Variants in CNTNAP4 observed in about 807,000 individuals in gnomAD.
CNTNAP4 encodes contactin-associated protein-like 4.
A neutral mutation model predicts 148.4 loss-of-function variants in CNTNAP4; 98 were observed. The observed-to-expected ratio is 0.66, with a 90% confidence interval of 0.56 to 0.78. The LOEUF (loss-of-function observed/expected upper bound fraction) is 0.78. Ranked by LOEUF, CNTNAP4 falls within the 30% of genes least tolerant of loss-of-function variation. The probability of loss-of-function intolerance (pLI) is 0.00; values close to 1 mark genes in which losing one functional copy is unlikely to be tolerated. For missense variants in CNTNAP4, 1,935 were observed against 1,565.6 expected, an observed-to-expected ratio of 1.24 and a Z score of -3.98; for synonymous variants, 730 against 565.1, an observed-to-expected ratio of 1.29 and a Z score of -4.14.
chr16:76,409,783 C>G (rs1156872446), intron 3 of CNTNAP4, among the ~76,000 whole-genome samples: 2 of 151,788 alleles, frequency 1.3e-5, no homozygotes, highest in Non-Finnish European at 2.9e-5. Flanking sequence ...GCTATTTCTC[C>G]TTTTACTCTC....
chr16:76,461,708 A>G (rs1222196683), intron 8 of CNTNAP4, among the ~76,000 whole-genome samples: 4 of 152,218 alleles, frequency 2.6e-5, no homozygotes, highest in Admixed American at 1.3e-4. Context: ...AAATCAATCT[A>G]TGACAAATTA....
At chr16:76,420,280 A>ATGTATGTTCTGTAGAATAT in intron 3 of CNTNAP4, among the ~76,000 whole-genome samples, 1 of 73,978 alleles carries the variant, frequency 1.4e-5, no homozygotes. Context: ...ATAGGAGATA[A>ATGTATGTTCTGTAGAATAT]ATATTAATTT....
At chr16:76,372,796 C>T (rs1325454736) in intron 3 of CNTNAP4, among the ~76,000 whole-genome samples, 6 of 152,012 alleles carry the variant, frequency 3.9e-5, no homozygotes, top group Admixed American at 2.6e-4. Flanking sequence ...GGCCTGGTTT[C>T]GAATTATACC....
chr16:76,362,867 A>G (rs1236101916), intron 3 of CNTNAP4, among the ~76,000 whole-genome samples: 1 of 152,174 alleles, frequency 6.6e-6, no homozygotes, highest in East Asian at 1.9e-4. Flanking sequence ...ATTTGCCTAT[A>G]TAACAAACCT....
chr16:76,324,130 A>T (rs1962717885), intron 2 of CNTNAP4, among the ~76,000 whole-genome samples: 1 of 152,160 alleles, frequency 6.6e-6, no homozygotes, highest in Non-Finnish European at 1.5e-5. Flanking sequence ...TATCCTTCTA[A>T]GTTTTCCTCA....
intron 2 of CNTNAP4, among the ~76,000 whole-genome samples, chr16:76,320,584 A>G (rs1382139270): frequency 6.6e-6 from 1 of 152,196 alleles, no homozygotes; most frequent in Non-Finnish European, 1.5e-5. Flanking sequence ...AGATAGCTGC[A>G]TAGTATTGTC....
At chr16:76,413,246 C>T (rs1183967068) in intron 3 of CNTNAP4, among the ~76,000 whole-genome samples, 1 of 151,372 alleles carries the variant, frequency 6.6e-6, no homozygotes, top group Non-Finnish European at 1.5e-5. Flanking sequence ...CACCTCCCTG[C>T]AAGCCCCCCA....
At chr16:76,465,399 A>T (rs1258030388) in intron 9 of CNTNAP4, among the ~76,000 whole-genome samples, 2 of 152,154 alleles carry the variant, frequency 1.3e-5, no homozygotes, top group East Asian at 3.9e-4. Flanking sequence ...GTAGCTAGGA[A>T]TATGAATTGC....
chr16:76,521,774 T>A (rs527746421), intron 16 of CNTNAP4, among the ~76,000 whole-genome samples: 1 of 151,150 alleles, frequency 6.6e-6, no homozygotes, highest in South Asian at 2.1e-4. Flanking sequence ...TTTTTATCGA[T>A]AGGAAAAATT....
At chr16:76,412,309 A>G (rs2144925242) in intron 3 of CNTNAP4, among the ~76,000 whole-genome samples, 1 of 151,554 alleles carries the variant, frequency 6.6e-6, no homozygotes, top group Admixed American at 6.6e-5. Flanking sequence ...ATATTCACGT[A>G]CATACATGTC....
Position 76,427,573 on chromosome 16 carries a change from G to A in CNTNAP4, c.512G>A (p.Arg171Gln), listed in dbSNP as rs2079454728. The change falls in exon 4 of 24, where the codon CGA becomes CAA. Residue 171 changes from arginine (R) to glutamine (Q), a missense_variant. By Grantham distance (43) the Arg-to-Gln change is conservative (BLOSUM62 1). Coordinates refer to ENST00000611870, the MANE Select transcript of CNTNAP4 (RefSeq NM_033401.5). ...EWNPKGRIGM[R>Q]IEVFGCAYRS... ...AACCCCAAGGGCAGAATTGGAATGC[G>A]AATCGAAGTGTTCGGATGTGCATAC... 6 of 1,612,068 alleles carry A rather than the reference G, an allele frequency of 3.7e-6. No individual in the cohort carries two copies. The highest frequency in any genetic ancestry group is 4.5e-5 in the East Asian group (2 of 44,828).
chr16:76,449,718 A>G lies in CNTNAP4; in HGVS notation c.931A>G (p.Ser311Gly). 6.4e-7 allele frequency: 1 copy of G among 1,562,744 alleles called. No homozygotes were observed. Among genetic ancestry groups the G allele is most frequent in the East Asian group, 2.3e-5 (1 of 43,890 alleles). The change falls in exon 7 of 24, where the codon AGC becomes GGC. Residue 311 changes from serine to glycine, a missense_variant. Transcript: ENST00000611870. The stretch of plus-strand genomic sequence containing the variant: ...TGATGCCATTTTTCTTTCTAAGATC[A>G]GCTTTGGAGGGATTCCAGCACCTGG... ...FNLMNLDYEI[S>G]FGGIPAPGKS...
At chr16:76,410,933 T>C (rs988634494) in intron 3 of CNTNAP4, among the ~76,000 whole-genome samples, 15 of 151,658 alleles carry the variant, frequency 9.9e-5, no homozygotes, top group African/African-American at 2.9e-4. Flanking sequence ...AAAGTATAGG[T>C]TAAGATCTAC....
At chr16:76,362,434 T>C (rs2013550941) in intron 3 of CNTNAP4, among the ~76,000 whole-genome samples, 1 of 152,104 alleles carries the variant, frequency 6.6e-6, no homozygotes, top group African/African-American at 2.4e-5. Context: ...GAAATTTAGG[T>C]AGAACCACAA....
chr16:76,366,690 A>G (rs925446171), intron 3 of CNTNAP4, among the ~76,000 whole-genome samples: 3 of 152,104 alleles, frequency 2.0e-5, no homozygotes, highest in African/African-American at 7.2e-5. Flanking sequence ...TAGCTCTTTG[A>G]GGAATTGCCA....
chr16:76,460,909 A>AATACAGAG (rs1325452073), intron 8 of CNTNAP4, among the ~76,000 whole-genome samples: 1 of 150,910 alleles, frequency 6.6e-6, no homozygotes, highest in East Asian at 1.9e-4. Context: ...TCCTGGGGGA[A>AATACAGAG]ATACAGAGTT....
chr16:76,409,353 C>T (rs1346916947), intron 3 of CNTNAP4, among the ~76,000 whole-genome samples: 2 of 151,844 alleles, frequency 1.3e-5, no homozygotes, highest in Non-Finnish European at 2.9e-5. Context: ...TATACAGCAT[C>T]ATTAAAATAA....
At chr16:76,471,105 AACACACACAT>A (rs1322999334) in intron 10 of CNTNAP4, among the ~76,000 whole-genome samples, 1 of 151,412 alleles carries the variant, frequency 6.6e-6, no homozygotes, top group Non-Finnish European at 1.5e-5. Context: ...AACACACACA[AACACACACAT>A]ACACACACAC....
intron 3 of CNTNAP4, among the ~76,000 whole-genome samples, chr16:76,371,325 G>A (rs532663602): frequency 3.9e-5 from 6 of 151,946 alleles, no homozygotes; most frequent in Admixed American, 6.6e-5. Flanking sequence ...TTCTTCTGTC[G>A]CCTGGGCTGG....
Sources: allele counts gnomAD v4.1 joint callset (sites outside exome capture counted in the v4.1 genomes callset), GRCh38; gene constraint gnomAD v4.1.1; transcripts MANE v1.5; gene names NCBI Gene and HGNC (gene_info 2026-07-23, HGNC 2026-07-21).